Variants in L3MBTL3 observed in about 807,000 individuals in gnomAD.
L3MBTL3 encodes lethal(3)malignant brain tumor-like protein 3.
A neutral mutation model predicts 102.3 loss-of-function variants in L3MBTL3; 27 were observed. The observed-to-expected ratio is 0.26, with a 90% CI of 0.19 to 0.36. The LOEUF is 0.36. L3MBTL3 is among the 10% of genes least tolerant of loss of function. The pLI, the probability that L3MBTL3 is intolerant of heterozygous loss-of-function variation, is 1.00. For synonymous variants in L3MBTL3, 340 were observed against 320.9 expected, an observed-to-expected ratio of 1.06 and a Z score of -0.64; for missense variants, 798 against 955.3, an observed-to-expected ratio of 0.84 and a Z score of 2.17.
chr6:130,059,918 G>A (rs1381102433), intron 9 of L3MBTL3, 118 bp from the exon 10 acceptor site: 1 of 573,470 alleles, frequency 1.7e-6, no homozygotes, highest in Non-Finnish European at 3.1e-6. Flanking sequence ...TTTTTCTTTG[G>A]ATTTTTAGAA....
intron 1 of L3MBTL3, among the ~76,000 whole-genome samples, chr6:130,020,013 G>T (rs1474774093): frequency 1.5e-5 from 2 of 137,870 alleles, no homozygotes; most frequent in Non-Finnish European, 3.2e-5. Context: ...CGGCCGCGCC[G>T]GGGCGGCGGG....
Position 130,055,996 on chromosome 6 carries a change from C to T in L3MBTL3, c.667+741C>T, listed in dbSNP as rs904077610. 1.2e-4 allele frequency among the ~76,000 whole-genome samples: 17 copies of T among 146,564 alleles called. No individual in the cohort carries two copies. In the South Asian group the frequency reaches 2.1e-3, roughly 18 times the overall value. ...AGGCTGAAGTATGGTGGCGCAATCT[C>T]GGCTCACAGCAGCCTCCACCTCCTG... On this transcript the variant is annotated intron_variant, in intron 8 of 22. Coordinates refer to ENST00000361794, the MANE Select transcript of L3MBTL3 (RefSeq NM_032438.4).
chr6:130,106,830 A>G (rs990327685), intron 19 of L3MBTL3, among the ~76,000 whole-genome samples: 9 of 152,210 alleles, frequency 5.9e-5, no homozygotes, highest in African/African-American at 2.2e-4. Context: ...GGCTGGAAAC[A>G]TATCTTTAAG....
At chr6:130,056,284 C>T (rs780355316) in intron 8 of L3MBTL3, among the ~76,000 whole-genome samples, 4 of 151,946 alleles carry the variant, frequency 2.6e-5, no homozygotes, top group African/African-American at 4.8e-5. Flanking sequence ...AGGAGGAAAC[C>T]GGCCCTGAAG....
chr6:130,066,548 A>G (rs944560543), intron 11 of L3MBTL3, 60 bp downstream of exon 11: 51 of 1,418,162 alleles, frequency 3.6e-5, no homozygotes, highest in African/African-American at 1.6e-4. Flanking sequence ...CTTACATGCT[A>G]CATTAGAATT....
At chr6:130,127,028 C>G (rs912869954) in intron 20 of L3MBTL3, among the ~76,000 whole-genome samples, 3 of 152,134 alleles carry the variant, frequency 2.0e-5, no homozygotes, top group Non-Finnish European at 2.9e-5. Context: ...CAAAATTTCT[C>G]TGAGTTCTGT....
chr6:130,134,967 T>G (rs1164320155), intron 22 of L3MBTL3, among the ~76,000 whole-genome samples: 1 of 152,160 alleles, frequency 6.6e-6, no homozygotes, highest in African/African-American at 2.4e-5. Context: ...TGCAAAGGTT[T>G]TATTTTCTCT....
chr6:130,103,453 A>G (rs1784815995), intron 18 of L3MBTL3, among the ~76,000 whole-genome samples: 1 of 152,180 alleles, frequency 6.6e-6, no homozygotes, highest in Admixed American at 6.5e-5. Flanking sequence ...GGTAGAGGGT[A>G]GCTAGACACT....
intron 19 of L3MBTL3, among the ~76,000 whole-genome samples, chr6:130,107,478 A>G (rs1785062047): frequency 6.6e-6 from 1 of 152,212 alleles, no homozygotes; most frequent in Non-Finnish European, 1.5e-5. Flanking sequence ...CTTAAAACCT[A>G]GAGGTAGCAA....
intron 13 of L3MBTL3, among the ~76,000 whole-genome samples, chr6:130,072,718 T>C (rs1324911375): frequency 1.3e-5 from 2 of 152,190 alleles, no homozygotes; most frequent in Non-Finnish European, 2.9e-5. Context: ...GTGACAGATA[T>C]CAGAGCATTT....
At chr6:130,057,331 C>T (rs1781570986) in intron 8 of L3MBTL3, 75 bp from the exon 9 acceptor site, 13 of 1,086,520 alleles carry the variant, frequency 1.2e-5, no homozygotes, top group African/African-American at 9.3e-5. Flanking sequence ...CAGTCAGGGA[C>T]GTGTGAGTTC....
intron 19 of L3MBTL3, among the ~76,000 whole-genome samples, chr6:130,108,159 C>A (rs774904386): frequency 6.8e-6 from 1 of 148,016 alleles, no homozygotes; most frequent in Admixed American, 6.8e-5. Flanking sequence ...ATGAAAAATG[C>A]AAATATGAAG....
chr6:130,051,227 A>G, intron 5 of L3MBTL3, 22 bp from the exon 6 acceptor site: 1 of 1,586,436 alleles, frequency 6.3e-7, no homozygotes, highest in Non-Finnish European at 8.6e-7. Context: ...TGTAATTTGC[A>G]TTTCTTCTTT....
In L3MBTL3 at chr6:130,140,938, G is replaced by A. The variant is rs941587000; in HGVS notation, c.*1185G>A. 9 of 152,560 alleles carry A rather than the reference G, an allele frequency of 5.9e-5. No homozygotes were observed. Among genetic ancestry groups the A allele is most frequent in the African/African-American group, 2.2e-4 (9 of 41,428 alleles). The allele number at this position is 152,560 out of a possible 1,614,324, so 9.5% of individuals were successfully genotyped here. ...TTTTGGAAGGATTCCTTTTTCTGTA[G>A]AATACTTTGCCTCGATATATAAGCA... is the stretch of plus-strand genomic sequence containing the variant. On this transcript the variant is annotated 3_prime_UTR_variant, in exon 23 of 23. Coordinates refer to ENST00000361794, the MANE Select transcript of L3MBTL3 (RefSeq NM_032438.4).
At chr6:130,031,026 T>C (rs1044132176) in intron 2 of L3MBTL3, among the ~76,000 whole-genome samples, 2 of 152,220 alleles carry the variant, frequency 1.3e-5, no homozygotes, top group African/African-American at 4.8e-5. Flanking sequence ...CTTGTATTTG[T>C]GGATACATGA....
intron 10 of L3MBTL3, 48 bp from the exon 11 acceptor site, chr6:130,066,305 A>ATATATATAT: frequency 2.9e-5 from 14 of 478,916 alleles, no homozygotes; most frequent in Non-Finnish European, 4.3e-5. Context: ...TATATATATG[A>ATATATATAT]ATATTCTGAG....
intron 22 of L3MBTL3, among the ~76,000 whole-genome samples, chr6:130,134,475 A>G (rs977479407): frequency 6.6e-6 from 1 of 152,334 alleles, no homozygotes; most frequent in Admixed American, 6.5e-5. Flanking sequence ...AAACTTCAAT[A>G]TAAGGGGTGA....
intron 10 of L3MBTL3, among the ~76,000 whole-genome samples, chr6:130,064,187 G>A (rs1397252679): frequency 6.6e-6 from 1 of 152,162 alleles, no homozygotes. Context: ...AAGGATATCA[G>A]GGCAGAAATT....
intron 2 of L3MBTL3, 122 bp from the exon 3 acceptor site, chr6:130,042,563 G>A (rs56988012): frequency 5.6e-6 from 3 of 537,998 alleles, no homozygotes; most frequent in Non-Finnish European, 9.9e-6. Flanking sequence ...TTAGATCCAG[G>A]GATATGGGAT....
Sources: allele counts gnomAD v4.1 joint callset (sites outside exome capture counted in the v4.1 genomes callset), GRCh38; gene constraint gnomAD v4.1.1; transcripts MANE v1.5; gene names NCBI Gene and HGNC (gene_info 2026-07-23, HGNC 2026-07-21).